The following KIAA1210 variants were observed in gnomAD, a reference collection of about 807,000 sequenced individuals.
KIAA1210 encodes acrosomal protein KIAA1210.
KIAA1210 carries 48 observed loss-of-function variants against 78.9 expected under a neutral mutation model. The observed-to-expected ratio is 0.61, with a 90% CI of 0.48 to 0.77. The LOEUF (loss-of-function observed/expected upper bound fraction) is 0.77, where lower values mean the gene tolerates loss of function less well. Ranked by LOEUF, KIAA1210 falls within the 30% of genes least tolerant of loss-of-function variation. The pLI, the probability that KIAA1210 is intolerant of heterozygous loss-of-function variation, is 0.00. For synonymous variants in KIAA1210, 406 were observed against 404.5 expected, an observed-to-expected ratio of 1.00 and a Z score of -0.04; for missense variants, 1,108 against 1,100.0, an observed-to-expected ratio of 1.01 and a Z score of -0.10.
At chrX:119,145,778 A>G (rs1037324041) in intron 2 of KIAA1210, among the ~76,000 whole-genome samples, 16 of 112,532 alleles carry the variant, frequency 1.4e-4, no homozygotes, top group African/African-American at 3.9e-4. Context: ...AGTGAATTAT[A>G]AAGTTTATAG....
chrX:119,084,832 G>A (rs1182772235), intron 10 of KIAA1210, among the ~76,000 whole-genome samples: 2 of 112,031 alleles, frequency 1.8e-5, no homozygotes, highest in Admixed American at 1.9e-4. Context: ...AATATTGAGG[G>A]CAGGATTTGT....
intron 2 of KIAA1210, among the ~76,000 whole-genome samples, chrX:119,122,899 T>C (rs947791262): frequency 1.8e-5 from 2 of 112,131 alleles, no homozygotes; most frequent in Non-Finnish European, 3.8e-5. Context: ...AGACAAAGTT[T>C]TCTGTACCAT....
chrX:119,093,631 A>AT, intron 8 of KIAA1210, 36 bp downstream of exon 8: 1 of 1,057,481 alleles, frequency 9.5e-7, no homozygotes, highest in Non-Finnish European at 1.3e-6. Flanking sequence ...GAAGTCTGTC[A>AT]TACATGTTTC....
chrX:119,094,446 C>T (rs1927492212), intron 7 of KIAA1210, among the ~76,000 whole-genome samples: 1 of 112,300 alleles, frequency 8.9e-6, no homozygotes, highest in Non-Finnish European at 1.9e-5. Flanking sequence ...GCCTTTATGG[C>T]ATGCATGTAA....
In KIAA1210 at chrX:119,140,730, G is replaced by A. The variant is rs770188344; in HGVS notation, c.410+6743C>T. Among the ~76,000 whole-genome samples the A allele has an allele frequency of 1.1e-4, 12 of 111,329 alleles. No individual in the cohort carries two copies. The East Asian group carries it at 3.1e-3, about 29-fold the overall frequency. ...GATGTTTGGCTTCTGGGGCCACAAG[G>A]ACAAAAGAAACAAACATTCTTCACG... On this transcript the variant is annotated intron_variant, in intron 2 of 13. Coordinates refer to the KIAA1210 transcript ENST00000402510.
chrX:119,087,201 CT>C lies in KIAA1210; in HGVS notation c.3500del (p.Gln1167ArgfsTer10). Reference protein sequence around the residue: ...SSQASDRSKFQPQMSSKGPVN... With the variant: ...SSQASDRSKFXPQMSSKGPVN... ...CTGGGCCCTTTGATGACATCTGTGG[CT>C]GGAATTTAGACCTATCTGAGGCTTG... is the stretch of plus-strand genomic sequence containing the variant. On this transcript the variant is annotated frameshift_variant, in exon 9 of 12. Transcript: ENST00000691062. LOFTEE classifies it high-confidence loss of function. The C allele has an allele frequency of 8.3e-7, 1 of 1,211,574 alleles. No homozygotes were observed. Among genetic ancestry groups the C allele is most frequent in the East Asian group, 3.0e-5 (1 of 33,851 alleles).
At chrX:119,150,988 C>T (rs899535435), upstream of KIAA1210, among the ~76,000 whole-genome samples, 5 of 112,477 alleles carry the variant, frequency 4.4e-5, no homozygotes, top group African/African-American at 6.5e-5. Flanking sequence ...GCTGAGGGAG[C>T]CGCTGGCCGG....
At position 119,089,172 on chromosome X, in the gene KIAA1210, T is replaced by C; in HGVS notation, c.1530A>G (p.Ser510=). The C allele has an allele frequency of 1.7e-6, 2 of 1,210,368 alleles. No individual in the cohort carries two copies. The highest frequency in any genetic ancestry group is 2.2e-5 in the Admixed American group (1 of 46,030). The change falls in exon 9 of 12, where the codon TCA becomes TCG. Residue 510 remains serine (S), a synonymous_variant. Coordinates refer to ENST00000691062, the MANE Select transcript of KIAA1210 (RefSeq NM_001394962.1). ...LSTTQEEAIL[S]VAAEAQVFMN... is the part of the protein sequence containing the mutation. ...TAAACACCTGAGCCTCTGCTGCTACTGAGAGAATGGCCTCCTCTTGGGTTG... is the reference window on the plus strand; with the variant it reads ...TAAACACCTGAGCCTCTGCTGCTACCGAGAGAATGGCCTCCTCTTGGGTTG...
At position 119,087,046 on chromosome X, in the gene KIAA1210, T is replaced by C. The variant is rs777411033; in HGVS notation, c.3656A>G (p.Asn1219Ser). The change falls in exon 9 of 12, where the codon AAT (asparagine) becomes AGT (serine). Residue 1219 changes from asparagine to serine, a missense_variant. Around this residue, in one of 5 missense-constraint regions of KIAA1210, gnomAD observed 245 missense variants for 278.8 expected, o/e 0.88. Transcript: ENST00000691062. Reference sequence around the variant, plus strand: ...AGCTTCATCTCTTCCTAGGAACCAATTGTCAGAATTGCTCTCAAAAACAGA... The same window carrying C: ...AGCTTCATCTCTTCCTAGGAACCAACTGTCAGAATTGCTCTCAAAAACAGA... ...RRSVFESNSD[N>S]WFLGRDEAFA... 6.2e-5 allele frequency: 75 copies of C among 1,209,644 alleles called. No individual in the cohort carries two copies. In the Middle Eastern group the frequency reaches 3.4e-3, roughly 56 times the overall value.
chrX:119,136,432 A>G (rs1454620858), intron 2 of KIAA1210, among the ~76,000 whole-genome samples: 2 of 112,202 alleles, frequency 1.8e-5, no homozygotes, highest in African/African-American at 3.2e-5. Context: ...CTGGAGGGAT[A>G]TAGAAGTCTC....
At position 119,088,565 on chromosome X, in the gene KIAA1210, G is replaced by C. The variant is rs999085539; in HGVS notation, c.2137C>G (p.Gln713Glu). The stretch of plus-strand genomic sequence containing the variant: ...TTATTTGAAGCAGAGGAGACTTCTT[G>C]TTGGTTTTTGGGCTTTCCCAAGGCC... Reference protein sequence around the residue: ...AQALGKPKNQQEVSSASNNTP... With the variant: ...AQALGKPKNQEEVSSASNNTP... The change falls in exon 9 of 12, where the codon CAA becomes GAA. Residue 713 changes from glutamine to glutamate, a missense_variant. Coordinates refer to ENST00000691062, the MANE Select transcript of KIAA1210 (RefSeq NM_001394962.1). 2 of 1,211,280 alleles carry C rather than the reference G, an allele frequency of 1.7e-6. No individual in the cohort carries two copies. The highest frequency in any genetic ancestry group is 1.7e-5 in the African/African-American group (1 of 57,837).
chrX:119,102,690 A>G (rs1220873842), intron 6 of KIAA1210, among the ~76,000 whole-genome samples: 1 of 112,094 alleles, frequency 8.9e-6, no homozygotes, highest in Non-Finnish European at 1.9e-5. Flanking sequence ...TTATTAGCCA[A>G]TTCAGTGGAA....
chrX:119,115,321 A>G (rs1051470723), intron 3 of KIAA1210, among the ~76,000 whole-genome samples: 2 of 111,259 alleles, frequency 1.8e-5, no homozygotes, highest in African/African-American at 6.6e-5. Flanking sequence ...GTAGAACTTT[A>G]GCAGAGATAG....
chrX:119,116,395 A>C (rs1569319635), intron 3 of KIAA1210, 101 bp downstream of exon 3: 1 of 815,232 alleles, frequency 1.2e-6, no homozygotes, highest in East Asian at 3.3e-5. Flanking sequence ...ACAGGTGGGG[A>C]CTCTTGGTGT....
rs5903546 is a variant in KIAA1210 at position 119,125,735 on chromosome X, A to ATATATATATATATAT, written c.-11+1991_-11+1992insATATATATATATATA. ...AATACATATATATATATATATATATATTTTTTTTTTTTTTTTTTTGGAGAG... is the reference window on the plus strand; with the variant it reads ...AATACATATATATATATATATATATATATATATATATATATTTTTTTTTTTTTTTTTTTTGGAGAG... On this transcript the variant is annotated intron_variant, in intron 1 of 11. Coordinates refer to ENST00000691062, the MANE Select transcript of KIAA1210 (RefSeq NM_001394962.1). Among the ~76,000 whole-genome samples the ATATATATATATATAT allele has an allele frequency of 1.8e-3, 28 of 15,794 alleles. 2 individuals carry two copies. Among genetic ancestry groups the ATATATATATATATAT allele is most frequent in the South Asian group, 9.3e-3 (1 of 108 alleles). The allele number at this position is 15,794 out of a possible 115,157, so 13.7% of individuals were successfully genotyped here.
At chrX:119,128,889 G>A (rs1313647547), upstream of KIAA1210, among the ~76,000 whole-genome samples, 1 of 111,231 alleles carries the variant, frequency 9.0e-6, no homozygotes, top group Non-Finnish European at 1.9e-5. Flanking sequence ...TGGTCAGGCT[G>A]GTCTCAAACT....
chrX:119,087,341 G>C lies in KIAA1210; in HGVS notation c.3361C>G (p.Leu1121Val). The C allele has an allele frequency of 4.1e-6, 5 of 1,211,485 alleles. No individual in the cohort carries two copies. Among genetic ancestry groups the C allele is most frequent in the Non-Finnish European group, 5.6e-6 (5 of 895,324 alleles). Residue 1121 changes from leucine to valine, a missense_variant, in exon 9 of 12, where the codon CTT (leucine) becomes GTT (valine). Transcript: ENST00000691062. ...TCAGGTTTCCTCAAGGCCTGGGAAAGCTGCCTGGGAGACAGCTGCTCTTTA... is the reference window on the plus strand; with the variant it reads ...TCAGGTTTCCTCAAGGCCTGGGAAACCTGCCTGGGAGACAGCTGCTCTTTA... ...SFKEQLSPRQLSQALRKPEYE... is the reference protein window; with the variant it reads ...SFKEQLSPRQVSQALRKPEYE...
At chrX:119,123,463 G>A (rs899114648) in intron 2 of KIAA1210, 119 bp downstream of exon 2, 3 of 481,861 alleles carry the variant, frequency 6.2e-6, no homozygotes, top group Non-Finnish European at 1.0e-5. Flanking sequence ...AAAAGTAAAC[G>A]TGACTGAGTC....
At chrX:119,101,317 T>C (rs1413927704) in intron 6 of KIAA1210, among the ~76,000 whole-genome samples, 1 of 112,201 alleles carries the variant, frequency 8.9e-6, no homozygotes, top group Non-Finnish European at 1.9e-5. Flanking sequence ...GATTGTAATG[T>C]CTTAAATAAG....
Sources: gnomAD v4.1 joint callset for allele counts (sites outside exome capture counted in the v4.1 genomes callset) on GRCh38, gnomAD v4.1.1 for gene constraint, gnomAD v4.1.1 regional missense constraint, MANE v1.5 for transcripts, NCBI Gene and HGNC (gene_info 2026-07-23, HGNC 2026-07-21) for gene names.